Variants in ADAM23 observed in about 807,000 individuals in gnomAD.
ADAM23 encodes disintegrin and metalloproteinase domain-containing protein 23.
A neutral mutation model predicts 120.1 loss-of-function variants in ADAM23; 33 were observed. That is an observed-to-expected ratio of 0.27 (90% confidence interval 0.21 to 0.37). The LOEUF (loss-of-function observed/expected upper bound fraction) is 0.37, where lower values mean the gene tolerates loss of function less well. Among genes scored for constraint, ADAM23 ranks in the 10% least tolerant of loss-of-function variants. The pLI is 1.00. For missense variants in ADAM23, 862 were observed against 1,058.2 expected (o/e 0.81, Z 2.57); for synonymous variants, 367 against 375.2 (o/e 0.98, Z 0.25).
At chr2:206,508,718 T>C (rs930655386) in intron 3 of ADAM23, among the ~76,000 whole-genome samples, 1 of 151,362 alleles carries the variant, frequency 6.6e-6, no homozygotes, top group Non-Finnish European at 1.5e-5. Flanking sequence ...TAAAGCCCCC[T>C]GCTTTTCAAA....
chr2:206,484,683 A>G (rs768459474), intron 3 of ADAM23, among the ~76,000 whole-genome samples: 1 of 152,192 alleles, frequency 6.6e-6, no homozygotes, highest in Non-Finnish European at 1.5e-5. Context: ...AGGGAAAACT[A>G]ACTGCAGTGA....
chr2:206,567,755 A>G (rs1411097568), intron 15 of ADAM23, among the ~76,000 whole-genome samples: 1 of 152,182 alleles, frequency 6.6e-6, no homozygotes, highest in African/African-American at 2.4e-5. Flanking sequence ...TCACACTGCT[A>G]TAAAGATACT....
At chr2:206,570,253 T>C (rs950755160) in intron 15 of ADAM23, among the ~76,000 whole-genome samples, 1 of 152,170 alleles carries the variant, frequency 6.6e-6, no homozygotes, top group African/African-American at 2.4e-5. Flanking sequence ...TCTAGCAACA[T>C]TTTTTCCCCT....
rs533895312 is a variant in ADAM23, at chr2:206,571,826, C to T, written c.1656+10C>T. 182 of 1,610,324 alleles carry T rather than the reference C, an allele frequency of 1.1e-4. 2 individuals carry two copies. The South Asian group carries it at 2.0e-3, about 17-fold the overall frequency. Reference sequence around the variant, plus strand: ...CAATACCTCATGTCTTGTGAGTTTTCTGACAGTTTCATCTTTCTTTTAATT... The same window carrying T: ...CAATACCTCATGTCTTGTGAGTTTTTTGACAGTTTCATCTTTCTTTTAATT... On this transcript the variant is annotated intron_variant, in intron 17 of 25. Transcript: ENST00000264377.
chr2:206,518,043 A>G (rs985868854), intron 3 of ADAM23, among the ~76,000 whole-genome samples: 2 of 152,220 alleles, frequency 1.3e-5, no homozygotes, highest in African/African-American at 2.4e-5. Flanking sequence ...TGAGTAAGAT[A>G]GTCTACATGG....
chr2:206,478,154 A>G (rs1695822485), intron 2 of ADAM23, among the ~76,000 whole-genome samples: 1 of 151,820 alleles, frequency 6.6e-6, no homozygotes, highest in Non-Finnish European at 1.5e-5. Flanking sequence ...TATAGAGAAG[A>G]ATCTGTACTG....
At chr2:206,510,993 AT>A (rs1696612003) in intron 3 of ADAM23, among the ~76,000 whole-genome samples, 1 of 151,810 alleles carries the variant, frequency 6.6e-6, no homozygotes. Flanking sequence ...ATTTTTACCT[AT>A]TTTTTTCTCT....
intron 15 of ADAM23, among the ~76,000 whole-genome samples, chr2:206,568,426 C>A (rs1323221292): frequency 1.3e-5 from 2 of 152,112 alleles, no homozygotes; most frequent in Admixed American, 1.3e-4. Context: ...AATATTTATA[C>A]CTCATAAGGT....
At chr2:206,595,489 G>T (rs1268499376) in intron 23 of ADAM23, among the ~76,000 whole-genome samples, 1 of 151,756 alleles carries the variant, frequency 6.6e-6, no homozygotes, top group Non-Finnish European at 1.5e-5. Flanking sequence ...TGGGGGTGTG[G>T]TGGGGGGGAA....
intron 22 of ADAM23, 43 bp from the exon 23 acceptor site, chr2:206,594,694 A>G: frequency 6.2e-7 from 1 of 1,607,874 alleles, no homozygotes; most frequent in Non-Finnish European, 8.5e-7. Context: ...ATGATGTTCT[A>G]AGTGTGGTGC....
At position 206,596,108 on chromosome 2, in the gene ADAM23, A is replaced by G. The variant is rs901420535; in HGVS notation, c.2305A>G (p.Ser769Gly). The G allele has an allele frequency of 1.9e-6, 3 of 1,613,994 alleles. No individual in the cohort carries two copies. Among genetic ancestry groups the G allele is most frequent in the East Asian group, 2.2e-5 (1 of 44,892 alleles). ...CDFTWAGTDCSIRDPVRNLHP... is the reference protein window; with the variant it reads ...CDFTWAGTDCGIRDPVRNLHP... ...TTTCACCTGGGCAGGGACAGATTGC[A>G]GTATCCGGGATCCAGTTAGGAACCT... The change falls in exon 24 of 26, where the codon AGT (serine) becomes GGT (glycine). Residue 769 changes from serine (S) to glycine (G), a missense_variant. By Grantham distance (56) the Ser-to-Gly change is moderately conservative. Coordinates refer to ENST00000264377, the MANE Select transcript of ADAM23 (RefSeq NM_003812.4).
chr2:206,549,752 G>A (rs1477819406), intron 8 of ADAM23, among the ~76,000 whole-genome samples: 1 of 151,848 alleles, frequency 6.6e-6, no homozygotes. Context: ...ACATTTTAAT[G>A]TGAAATTGAG....
intron 2 of ADAM23, among the ~76,000 whole-genome samples, chr2:206,472,476 A>G (rs1406468228): frequency 6.6e-6 from 1 of 151,754 alleles, no homozygotes. Flanking sequence ...AGCTGGGTGT[A>G]TTGGCGCACA....
intron 18 of ADAM23, among the ~76,000 whole-genome samples, chr2:206,576,910 C>T (rs1181088599): frequency 1.3e-5 from 2 of 152,074 alleles, no homozygotes; most frequent in African/African-American, 4.8e-5. Context: ...AATATGTCAT[C>T]TAAGTGGGTA....
In ADAM23 at chr2:206,443,837, A is replaced by T. The variant is rs1270108684; in HGVS notation, c.-30A>T. ...AGCTAGCCCGGCGCTCTCGCCGGCC[A>T]CACGGAGCGGCGCCCGGGAGCTATG... On this transcript the variant is annotated 5_prime_UTR_variant, in exon 1 of 26. Coordinates refer to ENST00000264377, the MANE Select transcript of ADAM23 (RefSeq NM_003812.4). 4.6e-6 allele frequency: 5 copies of T among 1,084,422 alleles called. No homozygotes were observed. Among genetic ancestry groups the T allele is most frequent in the Non-Finnish European group, 5.6e-6 (5 of 895,032 alleles). The allele number at this position is 1,084,422 out of a possible 1,614,324, so 67.2% of individuals were successfully genotyped here.
intron 2 of ADAM23, among the ~76,000 whole-genome samples, chr2:206,472,276 C>G (rs1000708317): frequency 1.3e-5 from 2 of 152,106 alleles, no homozygotes; most frequent in Non-Finnish European, 2.9e-5. Context: ...TTATCAGTGC[C>G]TACTTCCTCT....
chr2:206,497,763 C>G (rs1327252888), intron 3 of ADAM23, among the ~76,000 whole-genome samples: 3 of 152,174 alleles, frequency 2.0e-5, no homozygotes, highest in African/African-American at 7.2e-5. Flanking sequence ...CCCATCATCT[C>G]AGCCCAAAAT....
intron 3 of ADAM23, among the ~76,000 whole-genome samples, chr2:206,517,764 T>C (rs2105787678): frequency 6.6e-6 from 1 of 152,314 alleles, no homozygotes; most frequent in East Asian, 1.9e-4. Flanking sequence ...ACTTTTCTCA[T>C]ATCTTCTCTA....
At chr2:206,534,247 A>G (rs1437004049) in intron 4 of ADAM23, among the ~76,000 whole-genome samples, 1 of 152,212 alleles carries the variant, frequency 6.6e-6, no homozygotes, top group Non-Finnish European at 1.5e-5. Flanking sequence ...CCTATTCTGG[A>G]CATAAATGAA....
Sources: gnomAD v4.1 joint callset for allele counts (sites outside exome capture counted in the v4.1 genomes callset) on GRCh38, gnomAD v4.1.1 for gene constraint, MANE v1.5 for transcripts, NCBI Gene and HGNC (gene_info 2026-07-23, HGNC 2026-07-21) for gene names.